PLCG1: variants seen among roughly 807,000 people sequenced by gnomAD.
PLCG1 encodes the protein phospholipase C gamma 1, also known as 1-phosphatidylinositol 4,5-bisphosphate phosphodiesterase gamma-1.
In PLCG1, 71 loss-of-function variants were observed where a neutral mutation model predicts 177.8. The observed-to-expected ratio is 0.40, with a 90% CI of 0.33 to 0.49. PLCG1 has a LOEUF of 0.49. PLCG1 is among the 20% of genes least tolerant of loss of function. The pLI, the probability that PLCG1 is intolerant of heterozygous loss-of-function variation, is 0.72. For missense variants in PLCG1, 1,281 were observed against 1,709.0 expected (o/e 0.75, Z 4.42); for synonymous variants, 658 against 647.9 (o/e 1.02, Z -0.24).
At chr20:41,155,559 C>A (rs548700317) in intron 1 of PLCG1, among the ~76,000 whole-genome samples, 1 of 152,134 alleles carries the variant, frequency 6.6e-6, no homozygotes. Context: ...CTGTAAGAGT[C>A]CCCCTTCTCC....
chr20:41,170,305 G>C (rs764806405), intron 24 of PLCG1, 36 bp downstream of exon 24: 2 of 1,612,530 alleles, frequency 1.2e-6, no homozygotes, highest in Admixed American at 1.7e-5. Context: ...GGGGCAGTGT[G>C]TGGGCCCGTC....
chr20:41,173,888 T>C lies in PLCG1; in HGVS notation c.3557-35T>C, dbSNP rs1427670787. ...GGGGCTGGGCCCCTTGCTCTGTCCC[T>C]CGTGGGCTGAGGGCCAGGCTTTTCC... On this transcript the variant is annotated intron_variant, in intron 29 of 31. Coordinates refer to ENST00000685551, the MANE Select transcript of PLCG1 (RefSeq NM_002660.3). This position sits in a 1 kb window ranked among gnomAD's most constrained non-coding sequence, Gnocchi z 6.2. 3.7e-6 allele frequency: 6 copies of C among 1,611,916 alleles called. No homozygotes were observed. In the Admixed American group the frequency reaches 5.0e-5, roughly 13 times the overall value.
Position 41,163,158 on chromosome 20 carries a change from G to C in PLCG1, c.717-45G>C. ...GGTTCTGCCTTCCGTGGGGCACCTT[G>C]TTGTCTGTTGACCATACTAGCTAGC... On this transcript the variant is annotated intron_variant, in intron 7 of 31. Transcript: ENST00000685551. The surrounding 1 kb of genome is among the most constrained non-coding windows in gnomAD (Gnocchi z 5.2). 4 of 1,546,432 alleles carry C rather than the reference G, an allele frequency of 2.6e-6. No homozygotes were observed. In the South Asian group the frequency reaches 4.9e-5, roughly 19 times the overall value.
At position 41,148,391 on chromosome 20, in the gene PLCG1, T is replaced by A. The variant is rs1472007035; in HGVS notation, c.217+10533T>A. ...CACCACTATGAGTCCTAGGCCCCTG[T>A]TGTTTCCTTGTAGGAGGGAGACCCC... On this transcript the variant is annotated intron_variant, in intron 1 of 31. Coordinates refer to ENST00000685551, the MANE Select transcript of PLCG1 (RefSeq NM_002660.3). This position sits in a 1 kb window ranked among gnomAD's most constrained non-coding sequence, Gnocchi z 4.3. 1.3e-5 allele frequency among the ~76,000 whole-genome samples: 2 copies of A among 152,102 alleles called. No homozygotes were observed. Among genetic ancestry groups the A allele is most frequent in the Non-Finnish European group, 2.9e-5 (2 of 67,992 alleles).
At chr20:41,169,980 T>A (rs2035839540) in intron 23 of PLCG1, 132 bp from the exon 24 acceptor site, 3 of 814,318 alleles carry the variant, frequency 3.7e-6, no homozygotes, top group Non-Finnish European at 5.9e-6. Context: ...AGAGTAGTCC[T>A]TCCCCTCATG....
In PLCG1 at chr20:41,170,143, C is replaced by G. The variant is rs143072651; in HGVS notation, c.2682C>G (p.Leu894=). The change falls in exon 24 of 32, where the codon CTC becomes CTG. Residue 894 remains leucine, a synonymous_variant. Transcript: ENST00000685551. The part of the protein sequence containing the change: ...AIRPEGKNNR[L]FVFSISMASV... ...GTCCTGAGGGCAAGAACAACCGGCT[C>G]TTCGTCTTCTCCATCAGCATGGCGT... 4.5e-5 allele frequency: 73 copies of G among 1,613,806 alleles called. 1 individual carries two copies. Among genetic ancestry groups the G allele is most frequent in the Non-Finnish European group, 5.3e-5 (62 of 1,179,848 alleles).
intron 21 of PLCG1, 87 bp from the exon 22 acceptor site, chr20:41,168,992 T>C (rs769215986): frequency 8.2e-7 from 1 of 1,223,070 alleles, no homozygotes; most frequent in South Asian, 1.2e-5. Context: ...TCACCCTGGC[T>C]TAGGCATGGG....
chr20:41,166,410 G>A lies in PLCG1; in HGVS notation c.2000+16G>A, dbSNP rs1357243348. The A allele has an allele frequency of 1.2e-5, 20 of 1,614,028 alleles. No homozygotes were observed. Among genetic ancestry groups the A allele is most frequent in the South Asian group, 3.3e-5 (3 of 91,090 alleles). ...AGAGCAAAGAGTGAGGGAAGGGCCTGGGGGCGGACAAGGCAGGGCAGGGCC... is the reference window on the plus strand; with the variant it reads ...AGAGCAAAGAGTGAGGGAAGGGCCTAGGGGCGGACAAGGCAGGGCAGGGCC... On this transcript the variant is annotated intron_variant, in intron 17 of 31. Transcript: ENST00000685551. This position sits in a 1 kb window ranked among gnomAD's most constrained non-coding sequence, Gnocchi z 8.6.
intron 1 of PLCG1, among the ~76,000 whole-genome samples, chr20:41,149,658 A>T (rs544871177): frequency 6.6e-6 from 1 of 152,270 alleles, no homozygotes; most frequent in South Asian, 2.1e-4. Context: ...TGTACATAGG[A>T]GGTAATTAAG....
At position 41,159,407 on chromosome 20, in the gene PLCG1, C is replaced by T. The variant is rs1005245100; in HGVS notation, c.218-199C>T. Reference sequence around the variant, plus strand: ...TCCCCCATATAGCCCTCTCTGACATCTCAGCCCTTACTTAGCAAAGGCCTA... The same window carrying T: ...TCCCCCATATAGCCCTCTCTGACATTTCAGCCCTTACTTAGCAAAGGCCTA... On this transcript the variant is annotated intron_variant, in intron 1 of 31. Transcript: ENST00000685551. This position sits in a 1 kb window ranked among gnomAD's most constrained non-coding sequence, Gnocchi z 6.0. 1.3e-5 allele frequency among the ~76,000 whole-genome samples: 2 copies of T among 152,202 alleles called. No individual in the cohort carries two copies. The highest frequency in any genetic ancestry group is 3.9e-4 in the East Asian group (2 of 5,194).
chr20:41,139,722 C>T (rs758643470), intron 1 of PLCG1, among the ~76,000 whole-genome samples: 9 of 152,012 alleles, frequency 5.9e-5, no homozygotes, highest in African/African-American at 9.7e-5. Context: ...AACAATAGAC[C>T]GTGGCTGCCC....
intron 1 of PLCG1, among the ~76,000 whole-genome samples, chr20:41,152,480 C>A (rs1473137337): frequency 6.6e-6 from 1 of 152,266 alleles, no homozygotes; most frequent in Non-Finnish European, 1.5e-5. Flanking sequence ...CTGACCACTG[C>A]ATTTTCAGTA....
rs150789375 is a variant in PLCG1 at position 41,154,073 on chromosome 20, C to T, written c.218-5533C>T. 1.0e-3 allele frequency among the ~76,000 whole-genome samples: 154 copies of T among 152,242 alleles called. 1 individual carries two copies. The highest frequency in any genetic ancestry group is 3.4e-3 in the African/African-American group (141 of 41,536). On this transcript the variant is annotated intron_variant, in intron 1 of 31. Coordinates refer to ENST00000685551, the MANE Select transcript of PLCG1 (RefSeq NM_002660.3). ...TACCTCATTGGCATCTCACTGTAGTCCAATGAAGGAGGTGCCAGGAGTGGT... is the reference window on the plus strand; with the variant it reads ...TACCTCATTGGCATCTCACTGTAGTTCAATGAAGGAGGTGCCAGGAGTGGT...
chr20:41,169,368 C>T, intron 22 of PLCG1, 89 bp from the exon 23 acceptor site: 2 of 1,100,386 alleles, frequency 1.8e-6, no homozygotes, highest in Non-Finnish European at 2.8e-6. Context: ...GGTACACCCA[C>T]AAGATGTATT....
rs935890548 is a variant in PLCG1, at chr20:41,157,299, C to T, written c.218-2307C>T. On this transcript the variant is annotated intron_variant, in intron 1 of 31. Coordinates refer to ENST00000685551, the MANE Select transcript of PLCG1 (RefSeq NM_002660.3). The surrounding 1 kb of genome is among the most constrained non-coding windows in gnomAD (Gnocchi z 5.4). ...GAGGGGGATGACAGCAGCTCCACACCGGAAGAGCAGACTGGTTTCTGTTTC... is the reference window on the plus strand; with the variant it reads ...GAGGGGGATGACAGCAGCTCCACACTGGAAGAGCAGACTGGTTTCTGTTTC... 2.0e-5 allele frequency among the ~76,000 whole-genome samples: 3 copies of T among 151,104 alleles called. No individual in the cohort carries two copies. The highest frequency in any genetic ancestry group is 4.9e-5 in the African/African-American group (2 of 40,864).
At position 41,146,210 on chromosome 20, in the gene PLCG1, C is replaced by G. The variant is rs1012165662; in HGVS notation, c.217+8352C>G. On this transcript the variant is annotated intron_variant, in intron 1 of 31. Transcript: ENST00000685551. This position sits in a 1 kb window ranked among gnomAD's most constrained non-coding sequence, Gnocchi z 6.3. ...GAGCCCAGGCCTGGCACAGAGGAGG[C>G]TGGAGTTAGGAAGCAAGAAAACGAG... 6.6e-6 allele frequency among the ~76,000 whole-genome samples: 1 copy of G among 152,170 alleles called. No individual in the cohort carries two copies. Among genetic ancestry groups the G allele is most frequent in the Non-Finnish European group, 1.5e-5 (1 of 68,036 alleles).
rs368350689 is a variant in PLCG1 at position 41,160,499 on chromosome 20, G to T, written c.512+346G>T. Among the ~76,000 whole-genome samples the T allele has an allele frequency of 3.5e-4, 54 of 152,322 alleles. 1 individual carries two copies. In the East Asian group the frequency reaches 4.8e-3, roughly 14 times the overall value. ...TCTGAGACCTGGTATGGCAGCCAGA[G>T]GGGCCAAGGAGAGAAGGGGGAGCAA... On this transcript the variant is annotated intron_variant, in intron 4 of 31. Transcript: ENST00000685551. This position sits in a 1 kb window ranked among gnomAD's most constrained non-coding sequence, Gnocchi z 5.5.
rs928591265 is a variant in PLCG1, at chr20:41,176,446, C to A, written c.*1937C>A. On this transcript the variant is annotated 3_prime_UTR_variant, in exon 32 of 32. Transcript: ENST00000685551. ...TGGCCTGGAGAGAAAGGTTTCCTAT[C>A]AGAGAAGGAAGAGGACTGTGTAGGC... 1 of 152,296 alleles carries A rather than the reference C, an allele frequency of 6.6e-6. No individual in the cohort carries two copies. The highest frequency in any genetic ancestry group is 1.9e-4 in the East Asian group (1 of 5,178). The allele number at this position is 152,296 out of a possible 1,614,324, so 9.4% of individuals were successfully genotyped here. A position where few individuals can be genotyped will look rare whatever the true frequency, so the allele number is the denominator to read the frequency against.
rs1273128501 is a variant in PLCG1 at position 41,160,987 on chromosome 20, G to A, written c.512+834G>A. ...TTAGCTGTCCAGGGAGAGATGTTGA[G>A]TAGGCAGGTGGTTAGAGTGAGTTTA... On this transcript the variant is annotated intron_variant, in intron 4 of 31. Transcript: ENST00000685551. This position sits in a 1 kb window ranked among gnomAD's most constrained non-coding sequence, Gnocchi z 5.5. Among the ~76,000 whole-genome samples the A allele has an allele frequency of 6.6e-6, 1 of 152,182 alleles. No individual in the cohort carries two copies. Among genetic ancestry groups the A allele is most frequent in the African/African-American group, 2.4e-5 (1 of 41,442 alleles).
Sources: allele counts gnomAD v4.1 joint callset (sites outside exome capture counted in the v4.1 genomes callset), GRCh38; gene constraint gnomAD v4.1.1; non-coding constraint Gnocchi (gnomAD v3.1); transcripts MANE v1.5; gene names NCBI Gene and HGNC (gene_info 2026-07-23, HGNC 2026-07-21).